Variants in QKI observed in about 807,000 individuals in gnomAD.
QKI encodes QKI, KH domain containing RNA binding.
In QKI, 10 loss-of-function variants were observed where a neutral mutation model predicts 39.0. The observed-to-expected ratio is 0.26, with a 90% CI of 0.16 to 0.43. The LOEUF (loss-of-function observed/expected upper bound fraction) is 0.43. Among genes scored for constraint, QKI ranks in the 20% least tolerant of loss-of-function variants. QKI has a pLI of 1.00. For missense variants in QKI, 218 were observed against 428.0 expected, an observed-to-expected ratio of 0.51 and a Z score of 4.33; for synonymous variants, 204 against 155.4, an observed-to-expected ratio of 1.31 and a Z score of -2.33.
chr6:163,415,206 A>C lies in QKI; in HGVS notation c.13A>C (p.Met5Leu). Reference protein sequence around the residue: MVGEMETKEKPKPTP... With the variant: MVGELETKEKPKPTP... ...CGGAGCCTGGAATATGGTCGGGGAA[A>C]TGGAAACGAAGGAGAAGCCGAAGCC... The change falls in exon 1 of 8, where the codon ATG (methionine) becomes CTG (leucine). Residue 5 changes from methionine (M) to leucine (L), a missense_variant. Met to Leu is a conservative substitution (Grantham distance 15, BLOSUM62 2). Coordinates refer to ENST00000361752, the MANE Select transcript of QKI (RefSeq NM_006775.3). The C allele has an allele frequency of 6.3e-7, 1 of 1,576,660 alleles. No homozygotes were observed.
At chr6:163,548,651 G>T (rs1400031706) in intron 4 of QKI, among the ~76,000 whole-genome samples, 1 of 151,668 alleles carries the variant, frequency 6.6e-6, no homozygotes, top group Non-Finnish European at 1.5e-5. Flanking sequence ...CCAGAGTGCA[G>T]AGTGAGAGAG....
At chr6:163,547,612 C>T (rs1178534459) in intron 4 of QKI, among the ~76,000 whole-genome samples, 2 of 152,152 alleles carry the variant, frequency 1.3e-5, no homozygotes, top group Non-Finnish European at 2.9e-5. Flanking sequence ...CTTCCTTGCC[C>T]TCCCCGTATC....
chr6:163,567,797 A>C (rs887935703), intron 7 of QKI: 15 of 985,194 alleles, frequency 1.5e-5, no homozygotes, highest in Non-Finnish European at 1.8e-5. Context: ...AAAGTCTCAA[A>C]TATTAGTGGA....
chr6:163,534,679 CATG>C lies in QKI; in HGVS notation c.403-293_403-291del, dbSNP rs1311998642. 5.9e-5 allele frequency among the ~76,000 whole-genome samples: 9 copies of C among 152,248 alleles called. No individual in the cohort carries two copies. The East Asian group carries it at 1.3e-3, about 23-fold the overall frequency. On this transcript the variant is annotated intron_variant, in intron 3 of 7. Transcript: ENST00000361752. The stretch of plus-strand genomic sequence containing the variant: ...GATGTATGTTGTATGATACTACATA[CATG>C]ATGATGATGTATGCTTCTAGTGCAT...
rs527617635 is a variant in QKI at position 163,492,946 on chromosome 6, TTTC to T, written c.402+14053_402+14055del. ...TCTTTTATAACATAAAAATGAATTT[TTTC>T]TTAATTATGAAAGCCTTTCACGTTT... On this transcript the variant is annotated intron_variant, in intron 3 of 7. Coordinates refer to ENST00000361752, the MANE Select transcript of QKI (RefSeq NM_006775.3). Among the ~76,000 whole-genome samples, 44 of 152,296 alleles carry T rather than the reference TTTC, an allele frequency of 2.9e-4. No homozygotes were observed. The South Asian group carries it at 7.0e-3, about 24-fold the overall frequency.
chr6:163,555,763 A>G (rs1782551519), intron 4 of QKI, among the ~76,000 whole-genome samples: 1 of 152,190 alleles, frequency 6.6e-6, no homozygotes, highest in Admixed American at 6.5e-5. Context: ...TTATTTTTTT[A>G]GTTGACATAG....
At chr6:163,568,938 A>G in intron 7 of QKI, 1 of 986,026 alleles carries the variant, frequency 1.0e-6, no homozygotes, top group Non-Finnish European at 1.2e-6. Flanking sequence ...GTGTCCTGGT[A>G]TATATAAATG....
intron 7 of QKI, chr6:163,568,460 G>A (rs1562555233): frequency 2.0e-6 from 2 of 985,568 alleles, no homozygotes; most frequent in East Asian, 1.1e-4. Flanking sequence ...TCCTGTCACT[G>A]TTTTTATTTA....
chr6:163,425,140 A>G (rs2759383), intron 1 of QKI, among the ~76,000 whole-genome samples: 27,692 of 152,094 alleles, frequency 0.18, 3,058 homozygotes, highest in Middle Eastern at 0.28. Context: ...AGTTATGTTT[A>G]TTTGAGAAGT....
intron 3 of QKI, among the ~76,000 whole-genome samples, chr6:163,516,744 T>TTC (rs1779827672): frequency 1.3e-5 from 2 of 152,208 alleles, no homozygotes; most frequent in Non-Finnish European, 2.9e-5. Context: ...AAATAAAATA[T>TTC]GTTTTCATAC....
At chr6:163,425,421 G>A (rs1268498481) in intron 1 of QKI, among the ~76,000 whole-genome samples, 2 of 152,216 alleles carry the variant, frequency 1.3e-5, no homozygotes, top group African/African-American at 4.8e-5. Flanking sequence ...TATTCTGAAG[G>A]TTGTAGGGAA....
At chr6:163,513,631 A>C (rs1779621434) in intron 3 of QKI, among the ~76,000 whole-genome samples, 2 of 152,138 alleles carry the variant, frequency 1.3e-5, no homozygotes, top group Admixed American at 1.3e-4. Flanking sequence ...ACTACCAGGA[A>C]TGTTCGATGA....
chr6:163,455,004 A>G (rs1474875923), intron 1 of QKI, among the ~76,000 whole-genome samples: 3 of 152,194 alleles, frequency 2.0e-5, no homozygotes, highest in Non-Finnish European at 4.4e-5. Flanking sequence ...ACAAGTCCAT[A>G]TTATACCGGT....
intron 1 of QKI, among the ~76,000 whole-genome samples, chr6:163,451,817 T>C (rs770342180): frequency 7.2e-5 from 11 of 152,170 alleles, no homozygotes; most frequent in Admixed American, 3.3e-4. Context: ...ATTCCTATGT[T>C]TCATGAGAAC....
chr6:163,495,173 C>T (rs1778327886), intron 3 of QKI, among the ~76,000 whole-genome samples: 1 of 152,136 alleles, frequency 6.6e-6, no homozygotes, highest in South Asian at 2.1e-4. Context: ...CCTCGGCCTC[C>T]CAAAGTGCTG....
At chr6:163,568,967 A>T in intron 7 of QKI, 1 of 986,146 alleles carries the variant, frequency 1.0e-6, no homozygotes, top group Non-Finnish European at 1.2e-6. Flanking sequence ...CTTCGTTTAT[A>T]TATTCCACAC....
At chr6:163,464,505 A>G (rs1273688111) in intron 2 of QKI, among the ~76,000 whole-genome samples, 1 of 152,080 alleles carries the variant, frequency 6.6e-6, no homozygotes, top group Non-Finnish European at 1.5e-5. Context: ...CATGAAGGAG[A>G]CATTACAACT....
intron 1 of QKI, among the ~76,000 whole-genome samples, chr6:163,419,404 AAG>A (rs1787809575): frequency 6.6e-6 from 1 of 152,086 alleles, no homozygotes; most frequent in Non-Finnish European, 1.5e-5. Flanking sequence ...TTCTTACAAA[AAG>A]GTTTTCTTTT....
rs76131989 is a variant in QKI at position 163,480,332 on chromosome 6, A to T, written c.402+1436A>T. Among the ~76,000 whole-genome samples the T allele has an allele frequency of 3.3e-3, 504 of 151,920 alleles. 3 individuals are homozygous for T. The highest frequency in any genetic ancestry group is 0.012 in the African/African-American group (495 of 41,418). ...ATTGACTTGAAGGGGCTATCTAGGA[A>T]TAGTGCGTGGTTAGCTGTGTTAGAC... On this transcript the variant is annotated intron_variant, in intron 3 of 7. Coordinates refer to ENST00000361752, the MANE Select transcript of QKI (RefSeq NM_006775.3).
Sources: gnomAD v4.1 joint callset for allele counts (sites outside exome capture counted in the v4.1 genomes callset) on GRCh38, gnomAD v4.1.1 for gene constraint, MANE v1.5 for transcripts, NCBI Gene and HGNC (gene_info 2026-07-23, HGNC 2026-07-21) for gene names.